Variants in SEM1 observed in about 807,000 individuals in gnomAD.
The protein encoded by SEM1 is 26S proteasome complex subunit SEM1.
Under a neutral mutation model 12.7 loss-of-function variants are expected in SEM1, and 3 were observed. That is an observed-to-expected ratio of 0.24 (90% CI 0.11 to 0.61). SEM1 has a LOEUF of 0.61. Among genes scored for constraint, SEM1 ranks in the 20% least tolerant of loss-of-function variants. The pLI is 0.88. For synonymous variants in SEM1, 30 were observed against 27.8 expected (o/e 1.08, Z -0.25); for missense variants, 59 against 81.3 (o/e 0.73, Z 1.06).
intron 2 of SEM1, among the ~76,000 whole-genome samples, chr7:96,575,851 T>C (rs1407964717): frequency 6.6e-6 from 1 of 152,238 alleles, no homozygotes; most frequent in Non-Finnish European, 1.5e-5. Context: ...ATATCCAGAA[T>C]CTACAAGGAA....
downstream of SEM1, among the ~76,000 whole-genome samples, chr7:96,685,168 T>A (rs553697185): frequency 6.6e-6 from 1 of 152,248 alleles, no homozygotes; most frequent in Non-Finnish European, 1.5e-5. Context: ...TAACATTCAA[T>A]CTTTCAAAAG....
intron 2 of SEM1, chr7:96,673,975 C>A: frequency 1.6e-6 from 1 of 642,938 alleles, no homozygotes; most frequent in East Asian, 2.7e-5. Flanking sequence ...CCCTTATGCC[C>A]CAGTCCCATC....
At chr7:96,584,102 G>T (rs955287143) in intron 2 of SEM1, among the ~76,000 whole-genome samples, 1 of 152,114 alleles carries the variant, frequency 6.6e-6, no homozygotes, top group South Asian at 2.1e-4. Context: ...GCAGTGGCTG[G>T]TACCAGTTGT....
chr7:96,522,497 C>T (rs1003638476), intron 2 of SEM1, among the ~76,000 whole-genome samples: 8 of 151,078 alleles, frequency 5.3e-5, no homozygotes, highest in Admixed American at 1.3e-4. Context: ...CTACATTGCA[C>T]GATTAGCACT....
chr7:96,682,141 G>A (rs1404852436), intron 2 of SEM1, among the ~76,000 whole-genome samples: 2 of 151,906 alleles, frequency 1.3e-5, no homozygotes, highest in African/African-American at 2.4e-5. Flanking sequence ...TATTCTCTTT[G>A]TAGCAATTGT....
At chr7:96,495,808 G>A (rs1254968573) in intron 1 of SEM1, among the ~76,000 whole-genome samples, 1 of 152,056 alleles carries the variant, frequency 6.6e-6, no homozygotes, top group Non-Finnish European at 1.5e-5. Flanking sequence ...CTTCTCTGGA[G>A]AGACCAGCAG....
intron 2 of SEM1, among the ~76,000 whole-genome samples, chr7:96,628,096 TG>T (rs1338102099): frequency 6.6e-6 from 1 of 152,110 alleles, no homozygotes; most frequent in African/African-American, 2.4e-5. Flanking sequence ...ACTCTTTTTT[TG>T]TTTCCATTTG....
At chr7:96,523,507 A>G (rs1804349353) in intron 2 of SEM1, among the ~76,000 whole-genome samples, 1 of 152,142 alleles carries the variant, frequency 6.6e-6, no homozygotes, top group Non-Finnish European at 1.5e-5. Context: ...AGTTCAGGGC[A>G]GTGTCGTAAA....
downstream of SEM1, among the ~76,000 whole-genome samples, chr7:96,620,593 C>T (rs1218706399): frequency 1.3e-5 from 2 of 152,164 alleles, no homozygotes; most frequent in African/African-American, 2.4e-5. Flanking sequence ...TTCCCACACC[C>T]GCGAGCCTCT....
intron 2 of SEM1, among the ~76,000 whole-genome samples, chr7:96,582,253 T>C (rs1376145218): frequency 2.5e-4 from 37 of 149,404 alleles, no homozygotes; most frequent in African/African-American, 9.1e-4. Flanking sequence ...TCTTTGGTTC[T>C]GTTTATATGC....
chr7:96,617,513 A>G (rs1807756174), intron 2 of SEM1, among the ~76,000 whole-genome samples: 3 of 152,072 alleles, frequency 2.0e-5, no homozygotes, highest in African/African-American at 4.8e-5. Context: ...CTTTTCTCCT[A>G]TTTGGATGTT....
At chr7:96,649,067 G>T (rs1365970369) in intron 2 of SEM1, 1 of 152,240 alleles carries the variant, frequency 6.6e-6, no homozygotes, top group Non-Finnish European at 1.5e-5. Flanking sequence ...CCTCGCTATT[G>T]GGTGCAGCAC....
chr7:96,629,590 C>T (rs1479007741), intron 2 of SEM1, among the ~76,000 whole-genome samples: 1 of 152,054 alleles, frequency 6.6e-6, no homozygotes, highest in Non-Finnish European at 1.5e-5. Context: ...ATTTTGAATT[C>T]TCTGTCTGAA....
At chr7:96,639,621 C>T (rs943245477) in intron 2 of SEM1, among the ~76,000 whole-genome samples, 7 of 151,838 alleles carry the variant, frequency 4.6e-5, no homozygotes, top group Non-Finnish European at 1.0e-4. Context: ...AAGTATAAGT[C>T]CCCTAGAAAT....
intron 2 of SEM1, among the ~76,000 whole-genome samples, chr7:96,629,760 G>A (rs1310321379): frequency 6.6e-6 from 1 of 152,150 alleles, no homozygotes; most frequent in Non-Finnish European, 1.5e-5. Flanking sequence ...GTCTGGGCTT[G>A]TTTGTACCCA....
rs368643340 is a variant in SEM1, at chr7:96,643,632, A to T, written c.171-20989T>A. Among the ~76,000 whole-genome samples, 651 of 152,320 alleles carry T rather than the reference A, an allele frequency of 4.3e-3. 4 individuals carry two copies. Among genetic ancestry groups the T allele is most frequent in the African/African-American group, 0.015 (625 of 41,568 alleles). ...ATGGAATACTATGCAGCCATAAAAA[A>T]GGACGAGTTCACATCCTTTGCAGGG... On this transcript the variant is annotated intron_variant, in intron 2 of 2. Transcript: ENST00000417009.
intron 2 of SEM1, among the ~76,000 whole-genome samples, chr7:96,689,620 A>C (rs1443914709): frequency 6.6e-6 from 1 of 152,230 alleles, no homozygotes; most frequent in African/African-American, 2.4e-5. Context: ...CTTAGACACC[A>C]CTACACTATT....
At chr7:96,512,567 A>G (rs1377826562) in intron 2 of SEM1, among the ~76,000 whole-genome samples, 1 of 152,154 alleles carries the variant, frequency 6.6e-6, no homozygotes, top group Non-Finnish European at 1.5e-5. Flanking sequence ...AAACTAGGGC[A>G]TTATGAAGGA....
chr7:96,561,873 G>T (rs1201362427), intron 2 of SEM1, among the ~76,000 whole-genome samples: 2 of 152,188 alleles, frequency 1.3e-5, no homozygotes, highest in East Asian at 1.9e-4. Flanking sequence ...AGGTGGAAAA[G>T]TCAGGAATCC....
Sources: allele counts gnomAD v4.1 joint callset (sites outside exome capture counted in the v4.1 genomes callset), GRCh38; gene constraint gnomAD v4.1.1; transcripts MANE v1.5; gene names NCBI Gene and HGNC (gene_info 2026-07-23, HGNC 2026-07-21).